NAALADL2: variants seen among roughly 807,000 people sequenced by gnomAD.
The protein encoded by NAALADL2 is inactive N-acetylated-alpha-linked acidic dipeptidase-like protein 2.
In NAALADL2, 76 loss-of-function variants were observed where a neutral mutation model predicts 87.2. That is an observed-to-expected ratio of 0.87 (90% CI 0.72 to 1.05). The LOEUF (loss-of-function observed/expected upper bound fraction) is 1.05. Among genes scored for constraint, NAALADL2 ranks in the 50% least tolerant of loss-of-function variants. The probability of loss-of-function intolerance (pLI) is 0.00; values close to 1 mark genes in which losing one functional copy is unlikely to be tolerated. For synonymous variants in NAALADL2, 354 were observed against 331.0 expected (o/e 1.07, Z -0.75); for missense variants, 1,089 against 945.8 (o/e 1.15, Z -1.99).
At chr3:175,526,178 A>G (rs1196162686) in intron 9 of NAALADL2, among the ~76,000 whole-genome samples, 2 of 152,356 alleles carry the variant, frequency 1.3e-5, no homozygotes, top group African/African-American at 2.4e-5. Context: ...TAGTGTTAGC[A>G]CAGAGGAAAA....
At chr3:174,903,744 C>G (rs1732582307) in intron 1 of NAALADL2, among the ~76,000 whole-genome samples, 1 of 151,796 alleles carries the variant, frequency 6.6e-6, no homozygotes. Flanking sequence ...ATGCAGTGTT[C>G]CCTGGATATT....
At chr3:174,849,989 G>A (rs2109469511) in intron 3 of NAALADL2, among the ~76,000 whole-genome samples, 1 of 152,190 alleles carries the variant, frequency 6.6e-6, no homozygotes, top group South Asian at 2.1e-4. Flanking sequence ...ACCTTTACCA[G>A]TGAGTTTTTA....
At chr3:174,468,772 T>A (rs1716698255) in intron 1 of NAALADL2, among the ~76,000 whole-genome samples, 1 of 150,898 alleles carries the variant, frequency 6.6e-6, no homozygotes, top group African/African-American at 2.4e-5. Flanking sequence ...CTTTTTTTTT[T>A]TTTTTTTGAG....
At position 174,570,962 on chromosome 3, in the gene NAALADL2, A is replaced by G. The variant is rs1714850493; in HGVS notation, c.-115+20325A>G. Among the ~76,000 whole-genome samples, 2 of 152,182 alleles carry G rather than the reference A, an allele frequency of 1.3e-5. 1 individual carries two copies. Among genetic ancestry groups the G allele is most frequent in the South Asian group, 4.1e-4 (2 of 4,824 alleles). ...TGCTTACTTATAATCGAGTGCATCTAATGATCTATAACTGCGATTCTCCAA... is the reference window on the plus strand; with the variant it reads ...TGCTTACTTATAATCGAGTGCATCTGATGATCTATAACTGCGATTCTCCAA... On this transcript the variant is annotated intron_variant, in intron 2 of 3. Transcript: ENST00000434257.
intron 2 of NAALADL2, among the ~76,000 whole-genome samples, chr3:174,713,374 G>A (rs1284828478): frequency 3.3e-5 from 5 of 152,092 alleles, no homozygotes; most frequent in East Asian, 1.9e-4. Context: ...CTGAGGAATC[G>A]CCACACTGAC....
At chr3:175,624,064 TGCTAGAAATAAACAAACGAAAACAAAACA>T (rs372393021) in intron 10 of NAALADL2, among the ~76,000 whole-genome samples, 94 of 152,168 alleles carry the variant, frequency 6.2e-4, no homozygotes, top group African/African-American at 2.0e-3. Flanking sequence ...CCTCTTCTTT[TGCTAGAAATAAACAAACGAAAACAAAACA>T]GAATTCTCAA....
chr3:175,152,130 T>G (rs1731633294), intron 2 of NAALADL2, among the ~76,000 whole-genome samples: 1 of 152,170 alleles, frequency 6.6e-6, no homozygotes, highest in Non-Finnish European at 1.5e-5. Flanking sequence ...AGGGTTATAT[T>G]GTAGGATGTT....
intron 5 of NAALADL2, among the ~76,000 whole-genome samples, chr3:175,326,646 C>T (rs1208818884): frequency 3.3e-5 from 5 of 152,102 alleles, no homozygotes; most frequent in Non-Finnish European, 7.4e-5. Flanking sequence ...GCTGGTCAGT[C>T]CAAGGTCAAG....
intron 3 of NAALADL2, among the ~76,000 whole-genome samples, chr3:174,806,676 G>T (rs1439257156): frequency 6.6e-6 from 1 of 152,208 alleles, no homozygotes; most frequent in Non-Finnish European, 1.5e-5. Context: ...AACTAGGATT[G>T]TCTGAATCCA....
At chr3:175,083,479 T>C (rs1718278162) in intron 1 of NAALADL2, among the ~76,000 whole-genome samples, 2 of 152,198 alleles carry the variant, frequency 1.3e-5, no homozygotes, top group Non-Finnish European at 2.9e-5. Flanking sequence ...AAACCACACA[T>C]TTATAAAATG....
intron 2 of NAALADL2, among the ~76,000 whole-genome samples, chr3:174,624,349 C>T (rs762806864): frequency 1.1e-4 from 17 of 152,210 alleles, no homozygotes; most frequent in South Asian, 6.2e-4. Flanking sequence ...CGGGGCCGGG[C>T]GCGGTGGCTC....
At chr3:175,181,765 A>ATGTGTATATG (rs1736579114) in intron 2 of NAALADL2, among the ~76,000 whole-genome samples, 2 of 126,866 alleles carry the variant, frequency 1.6e-5, no homozygotes, top group Non-Finnish European at 3.3e-5. Context: ...GTGTGTATAT[A>ATGTGTATATG]TGTGTGTATA....
At chr3:175,412,325 C>G (rs757011282) in intron 5 of NAALADL2, among the ~76,000 whole-genome samples, 9 of 152,024 alleles carry the variant, frequency 5.9e-5, no homozygotes, top group Non-Finnish European at 1.0e-4. Flanking sequence ...TTACATCACT[C>G]TAAAGAAGCA....
At chr3:174,939,450 A>G (rs1314946714) in intron 1 of NAALADL2, among the ~76,000 whole-genome samples, 1 of 151,948 alleles carries the variant, frequency 6.6e-6, no homozygotes. Flanking sequence ...TGATGCCTTC[A>G]GTTTTTTCTT....
intron 3 of NAALADL2, among the ~76,000 whole-genome samples, chr3:175,251,204 C>T (rs1255545990): frequency 3.3e-5 from 5 of 152,248 alleles, no homozygotes; most frequent in Non-Finnish European, 5.9e-5. Context: ...CACTCTTTGT[C>T]GTCATCCCAA....
At chr3:175,658,513 C>A (rs1731809814) in intron 11 of NAALADL2, among the ~76,000 whole-genome samples, 1 of 151,988 alleles carries the variant, frequency 6.6e-6, no homozygotes, top group South Asian at 2.1e-4. Flanking sequence ...CTATAAAAAT[C>A]TTTGATAGTT....
At chr3:174,930,958 A>G (rs367756579) in intron 1 of NAALADL2, among the ~76,000 whole-genome samples, 16 of 152,018 alleles carry the variant, frequency 1.1e-4, no homozygotes, top group African/African-American at 2.7e-4. Flanking sequence ...TATATATCCC[A>G]TATTATGATT....
At chr3:175,667,231 GAAAGA>G (rs1553945324) in intron 11 of NAALADL2, among the ~76,000 whole-genome samples, 1 of 116,714 alleles carries the variant, frequency 8.6e-6, no homozygotes, top group Non-Finnish European at 1.7e-5. Context: ...AAGAAAGAAA[GAAAGA>G]AAGAAAAAGA....
chr3:174,902,676 T>C (rs2108263993), intron 1 of NAALADL2, among the ~76,000 whole-genome samples: 1 of 152,290 alleles, frequency 6.6e-6, no homozygotes, highest in South Asian at 2.1e-4. Context: ...ATTTATCTAT[T>C]GAAACTTGTT....
Sources: gnomAD v4.1 joint callset for allele counts (sites outside exome capture counted in the v4.1 genomes callset) on GRCh38, gnomAD v4.1.1 for gene constraint, MANE v1.5 for transcripts, NCBI Gene and HGNC (gene_info 2026-07-23, HGNC 2026-07-21) for gene names.